The following CCDC91 variants were observed in gnomAD, a reference collection of about 807,000 sequenced individuals.
CCDC91 encodes coiled-coil domain containing 91.
CCDC91 carries 48 observed loss-of-function variants against 63.2 expected under a neutral mutation model. The observed-to-expected ratio is 0.76, with a 90% confidence interval of 0.60 to 0.97. The LOEUF is 0.97. Among genes scored for constraint, CCDC91 ranks in the 50% least tolerant of loss-of-function variants. CCDC91 has a pLI of 0.00. For synonymous variants in CCDC91, 167 were observed against 165.8 expected (o/e 1.01, Z -0.06); for missense variants, 500 against 494.6 (o/e 1.01, Z -0.10).
intron 8 of CCDC91, among the ~76,000 whole-genome samples, chr12:28,419,138 T>C (rs968783830): frequency 6.6e-6 from 1 of 152,148 alleles, no homozygotes; most frequent in South Asian, 2.1e-4. Context: ...AGTGAAAAAG[T>C]CTGTGCCAGT....
intron 6 of CCDC91, among the ~76,000 whole-genome samples, chr12:28,326,342 T>G (rs1940992901): frequency 6.6e-6 from 1 of 151,950 alleles, no homozygotes. Context: ...ATAGCAAATT[T>G]AATGTTTGAA....
At chr12:28,358,091 C>T (rs1341571036) in intron 6 of CCDC91, among the ~76,000 whole-genome samples, 2 of 152,106 alleles carry the variant, frequency 1.3e-5, no homozygotes, top group Non-Finnish European at 2.9e-5. Context: ...TTGTAACATA[C>T]TGTATTATAG....
chr12:28,374,518 ATATT>A (rs1459779930), intron 7 of CCDC91, among the ~76,000 whole-genome samples: 1 of 152,190 alleles, frequency 6.6e-6, no homozygotes, highest in Non-Finnish European at 1.5e-5. Context: ...ATAAAGTGCC[ATATT>A]TATTTTCCTC....
At chr12:28,371,002 C>T (rs1944584620) in intron 7 of CCDC91, among the ~76,000 whole-genome samples, 2 of 152,126 alleles carry the variant, frequency 1.3e-5, no homozygotes, top group Non-Finnish European at 1.5e-5. Context: ...TGGGTGGGGA[C>T]ACAGATCCAA....
chr12:28,212,564 T>G (rs1377822971), intron 1 of CCDC91, among the ~76,000 whole-genome samples: 1 of 152,162 alleles, frequency 6.6e-6, no homozygotes, highest in Non-Finnish European at 1.5e-5. Context: ...TTAAGATAGG[T>G]GCAGTTCATC....
chr12:28,191,233 C>A (rs929608634), intron 1 of CCDC91: 1 of 152,294 alleles, frequency 6.6e-6, no homozygotes, highest in African/African-American at 2.4e-5. Context: ...TCTCCATCTG[C>A]GCGTGTCGCC....
intron 3 of CCDC91, among the ~76,000 whole-genome samples, chr12:28,294,814 A>G (rs887848460): frequency 6.6e-6 from 1 of 151,954 alleles, no homozygotes; most frequent in African/African-American, 2.4e-5. Context: ...GGAACTCCCG[A>G]CCTCAGGTGA....
chr12:28,405,005 A>G (rs1164428425), intron 8 of CCDC91, among the ~76,000 whole-genome samples: 1 of 152,026 alleles, frequency 6.6e-6, no homozygotes, highest in Non-Finnish European at 1.5e-5. Flanking sequence ...GACATTTACA[A>G]TGATTATTGA....
chr12:28,191,702 G>A (rs1189984800), intron 1 of CCDC91, among the ~76,000 whole-genome samples: 1 of 151,858 alleles, frequency 6.6e-6, no homozygotes, highest in African/African-American at 2.4e-5. Context: ...GTTCCCTGCT[G>A]TCGGAGAGTT....
Position 28,236,221 on chromosome 12 carries a change from C to A in CCDC91, c.-14-20981C>A, listed in dbSNP as rs1238188437. Reference sequence around the variant, plus strand: ...TTTTTTAATACAAGTATGAAAATGCCCTTTCTCTTTGTGATTGTTTGGTAC... The same window carrying A: ...TTTTTTAATACAAGTATGAAAATGCACTTTCTCTTTGTGATTGTTTGGTAC... On this transcript the variant is annotated intron_variant, in intron 1 of 12. Transcript: ENST00000536442. 22 of 151,266 alleles carry A rather than the reference C, an allele frequency of 1.5e-4. 2 individuals are homozygous for A. In the East Asian group the frequency reaches 4.1e-3, roughly 28 times the overall value. The allele number at this position is 151,266 out of a possible 1,614,324, so 9.4% of individuals were successfully genotyped here. A position where few individuals can be genotyped will look rare whatever the true frequency, so the allele number is the denominator to read the frequency against.
At chr12:28,276,933 G>T (rs1403080659) in intron 3 of CCDC91, among the ~76,000 whole-genome samples, 1 of 151,758 alleles carries the variant, frequency 6.6e-6, no homozygotes, top group Non-Finnish European at 1.5e-5. Context: ...TTTGTATTAG[G>T]TATTAAATTT....
At chr12:28,344,793 A>G (rs554258690) in intron 6 of CCDC91, among the ~76,000 whole-genome samples, 6 of 152,096 alleles carry the variant, frequency 3.9e-5, no homozygotes, top group East Asian at 1.9e-4. Context: ...GCCTTCCACT[A>G]TTTTCTCCCT....
At chr12:28,257,332 G>A (rs1773387017) in intron 2 of CCDC91, 87 bp downstream of exon 2, 2 of 769,926 alleles carry the variant, frequency 2.6e-6, no homozygotes, top group Admixed American at 4.3e-5. Flanking sequence ...ATATTTCATT[G>A]GCATTCATGA....
intron 3 of CCDC91, among the ~76,000 whole-genome samples, chr12:28,283,219 ATT>A (rs55784913): frequency 5.6e-4 from 77 of 138,542 alleles, no homozygotes; most frequent in East Asian, 1.2e-3. Context: ...GAATTTTAGG[ATT>A]TTTTTTTTTT....
intron 12 of CCDC91, among the ~76,000 whole-genome samples, chr12:28,499,887 A>G (rs1952534024): frequency 6.6e-6 from 1 of 152,198 alleles, no homozygotes; most frequent in Non-Finnish European, 1.5e-5. Flanking sequence ...GTCAAATGCT[A>G]TCTTTAGTTC....
In CCDC91 at chr12:28,222,756, A is replaced by G. The variant is rs545264571; in HGVS notation, c.-15+32115A>G. On this transcript the variant is annotated intron_variant, in intron 1 of 12. Coordinates refer to ENST00000536442, the MANE Select transcript of CCDC91 (RefSeq NM_018318.5). ...CTGTATTCTTTCTGAGTAGGTGACA[A>G]TCCTAGGGCTTTTCATCCTTGGCAT... Among the ~76,000 whole-genome samples, 8 of 152,226 alleles carry G rather than the reference A, an allele frequency of 5.3e-5. No homozygotes were observed. In the South Asian group the frequency reaches 1.5e-3, roughly 28 times the overall value.
At chr12:28,277,926 A>C (rs570839730) in intron 3 of CCDC91, among the ~76,000 whole-genome samples, 1 of 152,074 alleles carries the variant, frequency 6.6e-6, no homozygotes, top group Admixed American at 6.6e-5. Flanking sequence ...TTGTCATACT[A>C]GTGGCCCAGT....
chr12:28,417,487 G>T (rs1392680317), intron 8 of CCDC91, among the ~76,000 whole-genome samples: 2 of 151,736 alleles, frequency 1.3e-5, no homozygotes, highest in East Asian at 3.9e-4. Context: ...TTATATGCTT[G>T]GAATCAAATA....
intron 3 of CCDC91, chr12:28,302,617 A>C (rs1565761464): frequency 1.0e-6 from 1 of 983,514 alleles, no homozygotes; most frequent in Non-Finnish European, 1.2e-6. Flanking sequence ...GACGGGGCAG[A>C]GTCAGGGAAT....
Sources: allele counts gnomAD v4.1 joint callset (sites outside exome capture counted in the v4.1 genomes callset), GRCh38; gene constraint gnomAD v4.1.1; transcripts MANE v1.5; gene names NCBI Gene and HGNC (gene_info 2026-07-23, HGNC 2026-07-21).